Variants in CNTNAP5 observed in about 807,000 individuals in gnomAD.
CNTNAP5 encodes contactin-associated protein-like 5.
A neutral mutation model predicts 150.2 loss-of-function variants in CNTNAP5; 72 were observed. That is an observed-to-expected ratio of 0.48 (90% CI 0.40 to 0.58). The LOEUF (loss-of-function observed/expected upper bound fraction) is 0.58, where lower values mean the gene tolerates loss of function less well. Among genes scored for constraint, CNTNAP5 ranks in the 20% least tolerant of loss-of-function variants. CNTNAP5 has a pLI of 0.00. For synonymous variants in CNTNAP5, 672 were observed against 619.8 expected, an observed-to-expected ratio of 1.08 and a Z score of -1.25; for missense variants, 1,636 against 1,626.2, an observed-to-expected ratio of 1.01 and a Z score of -0.10.
At chr2:124,568,892 C>CA (rs1459183596) in intron 11 of CNTNAP5, among the ~76,000 whole-genome samples, 8 of 152,132 alleles carry the variant, frequency 5.3e-5, no homozygotes, top group East Asian at 1.9e-4. Flanking sequence ...AAAAAAAATA[C>CA]AAAAAATTAC....
chr2:124,543,951 G>GT (rs34911795), intron 10 of CNTNAP5, among the ~76,000 whole-genome samples: 60,796 of 151,208 alleles, frequency 0.4, 12,522 homozygotes, highest in East Asian at 0.63. Flanking sequence ...ATGCTAGCTA[G>GT]TTTTTTTTTC....
intron 1 of CNTNAP5, among the ~76,000 whole-genome samples, chr2:124,178,017 T>C (rs1685110893): frequency 6.6e-6 from 1 of 152,016 alleles, no homozygotes; most frequent in Non-Finnish European, 1.5e-5. Flanking sequence ...TAGCTAATTT[T>C]TGTATTTTTA....
At chr2:124,050,848 C>T (rs1681677178) in intron 1 of CNTNAP5, among the ~76,000 whole-genome samples, 1 of 152,202 alleles carries the variant, frequency 6.6e-6, no homozygotes, top group South Asian at 2.1e-4. Context: ...AGGGCACTGG[C>T]AAGTCCTGAA....
At chr2:124,384,631 A>T (rs1296934476) in intron 3 of CNTNAP5, among the ~76,000 whole-genome samples, 1 of 152,214 alleles carries the variant, frequency 6.6e-6, no homozygotes, top group Non-Finnish European at 1.5e-5. Flanking sequence ...CCATAAATCT[A>T]TTTAATTAGA....
intron 1 of CNTNAP5, among the ~76,000 whole-genome samples, chr2:124,028,443 A>T (rs552356968): frequency 9.9e-5 from 15 of 152,260 alleles, no homozygotes; most frequent in Admixed American, 2.6e-4. Flanking sequence ...ACAAAATTAA[A>T]ATAAAGTCAG....
At chr2:124,272,693 T>C (rs1320559760) in intron 3 of CNTNAP5, among the ~76,000 whole-genome samples, 1 of 152,202 alleles carries the variant, frequency 6.6e-6, no homozygotes, top group Non-Finnish European at 1.5e-5. Flanking sequence ...TGAGCCTGTT[T>C]CCTATAAAAT....
intron 1 of CNTNAP5, among the ~76,000 whole-genome samples, chr2:124,083,169 G>A (rs554837702): frequency 3.3e-5 from 5 of 152,070 alleles, no homozygotes; most frequent in South Asian, 4.1e-4. Context: ...CCAACATGAC[G>A]AAACCCCGTC....
At chr2:124,104,217 G>A (rs1193511618) in intron 1 of CNTNAP5, among the ~76,000 whole-genome samples, 1 of 151,794 alleles carries the variant, frequency 6.6e-6, no homozygotes, top group African/African-American at 2.4e-5. Context: ...AAAAATAAAA[G>A]TATCATAAAC....
rs371292893 is a variant in CNTNAP5 at position 124,855,415 on chromosome 2, C to T, written c.3218-9891C>T. On this transcript the variant is annotated intron_variant, in intron 19 of 23. Transcript: ENST00000682447. Reference sequence around the variant, plus strand: ...CTCGAACTCCTGACCTCAAGTGATCCGCCCACCTCAGCCTCCCAAAGTGCT... The same window carrying T: ...CTCGAACTCCTGACCTCAAGTGATCTGCCCACCTCAGCCTCCCAAAGTGCT... 3.1e-4 allele frequency among the ~76,000 whole-genome samples: 47 copies of T among 152,106 alleles called. 1 individual carries two copies. The highest frequency in any genetic ancestry group is 3.4e-3 in the Middle Eastern group (1 of 294).
At chr2:124,737,394 A>T (rs951364164) in intron 13 of CNTNAP5, among the ~76,000 whole-genome samples, 3 of 152,128 alleles carry the variant, frequency 2.0e-5, no homozygotes, top group Non-Finnish European at 4.4e-5. Context: ...AGTGAAAGAC[A>T]TCAGCCTCTA....
intron 12 of CNTNAP5, among the ~76,000 whole-genome samples, chr2:124,614,323 A>T (rs1677450535): frequency 6.6e-6 from 1 of 152,188 alleles, no homozygotes. Flanking sequence ...CCCAAGAGAA[A>T]GTTCTTGGAC....
intron 3 of CNTNAP5, among the ~76,000 whole-genome samples, chr2:124,281,581 A>C (rs1015646541): frequency 5.3e-5 from 8 of 152,196 alleles, no homozygotes; most frequent in Non-Finnish European, 7.3e-5. Context: ...AAGATATTTA[A>C]AAGATTACCA....
intron 17 of CNTNAP5, among the ~76,000 whole-genome samples, chr2:124,776,850 A>T (rs1489727970): frequency 1.3e-5 from 2 of 152,228 alleles, no homozygotes; most frequent in Non-Finnish European, 2.9e-5. Flanking sequence ...GTGAAGAAAT[A>T]ATTGTTTTTT....
chr2:124,347,782 C>A (rs187264623), intron 3 of CNTNAP5, among the ~76,000 whole-genome samples: 2 of 152,048 alleles, frequency 1.3e-5, no homozygotes, highest in South Asian at 4.1e-4. Flanking sequence ...TACATATACA[C>A]CCACACAAAT....
intron 3 of CNTNAP5, among the ~76,000 whole-genome samples, chr2:124,260,575 T>A (rs2699374): frequency 0.27 from 41,126 of 152,132 alleles, 5,875 homozygotes; most frequent in South Asian, 0.48. Context: ...TCAGAGTGAA[T>A]AGGCAACCTA....
intron 13 of CNTNAP5, among the ~76,000 whole-genome samples, chr2:124,682,228 A>C (rs776358543): frequency 9.2e-5 from 14 of 152,156 alleles, no homozygotes; most frequent in Non-Finnish European, 1.2e-4. Context: ...TCTTCTCCAA[A>C]ATTTGCCATT....
chr2:124,447,788 A>G (rs963334992), intron 6 of CNTNAP5, among the ~76,000 whole-genome samples: 1 of 152,222 alleles, frequency 6.6e-6, no homozygotes, highest in African/African-American at 2.4e-5. Context: ...CCTTGAAAGA[A>G]TAGGGTTAGA....
intron 3 of CNTNAP5, among the ~76,000 whole-genome samples, chr2:124,320,898 T>C (rs1248951864): frequency 6.6e-6 from 1 of 152,132 alleles, no homozygotes; most frequent in Non-Finnish European, 1.5e-5. Context: ...TTTTTAGGAA[T>C]GCGTCACAAT....
intron 3 of CNTNAP5, among the ~76,000 whole-genome samples, chr2:124,408,122 G>T (rs933670984): frequency 2.6e-5 from 4 of 152,066 alleles, no homozygotes; most frequent in African/African-American, 7.2e-5. Flanking sequence ...AAGGGGTGAC[G>T]GAAGGCACCT....
Sources: allele counts gnomAD v4.1 joint callset (sites outside exome capture counted in the v4.1 genomes callset), GRCh38; gene constraint gnomAD v4.1.1; transcripts MANE v1.5; gene names NCBI Gene and HGNC (gene_info 2026-07-23, HGNC 2026-07-21).